Variants in MEF2D observed in about 807,000 individuals in gnomAD.
MEF2D encodes myocyte-specific enhancer factor 2D.
In MEF2D, 10 loss-of-function variants were observed where a neutral mutation model predicts 59.3. The ratio of observed to expected loss-of-function variants is 0.17; its 90% CI spans 0.10 to 0.29. The LOEUF (loss-of-function observed/expected upper bound fraction) is 0.29. MEF2D is among the 10% of genes least tolerant of loss of function. The pLI, the probability that MEF2D is intolerant of heterozygous loss-of-function variation, is 1.00. For synonymous variants in MEF2D, 305 were observed against 295.0 expected (o/e 1.03, Z -0.35); for missense variants, 508 against 699.4 (o/e 0.73, Z 3.09).
At chr1:156,475,300 C>T (rs187673641) in intron 8 of MEF2D, 63 bp from the exon 9 acceptor site, 111 of 1,502,220 alleles carry the variant, frequency 7.4e-5, no homozygotes, top group Middle Eastern at 2.4e-4. Context: ...GTTGGCCCTC[C>T]ATCCCAAGGC....
intron 1 of MEF2D, among the ~76,000 whole-genome samples, chr1:156,492,146 G>T (rs1672841254): frequency 1.3e-5 from 2 of 152,254 alleles, no homozygotes; most frequent in South Asian, 4.1e-4. Context: ...CACAGGAGAA[G>T]AATCCCATTC....
chr1:156,500,213 G>T (rs1429154465), intron 1 of MEF2D, among the ~76,000 whole-genome samples: 2 of 151,712 alleles, frequency 1.3e-5, no homozygotes, highest in African/African-American at 4.8e-5. Context: ...CCCCCAATCC[G>T]CCCGTCCCCA....
In MEF2D at chr1:156,483,403, G is replaced by A. The variant is rs371571064; in HGVS notation, c.-111C>T. Reference sequence around the variant, plus strand: ...GTCTGGGAACAGTGCTCAGTTCATGGTCTGCAGGATACCTTCTGCACAGCC... The same window carrying A: ...GTCTGGGAACAGTGCTCAGTTCATGATCTGCAGGATACCTTCTGCACAGCC... On this transcript the variant is annotated 5_prime_UTR_variant, in exon 2 of 12. Transcript: ENST00000348159. 19 of 1,049,492 alleles carry A rather than the reference G, an allele frequency of 1.8e-5. No individual in the cohort carries two copies. Among genetic ancestry groups the A allele is most frequent in the African/African-American group, 1.4e-4 (9 of 64,032 alleles). The allele number at this position is 1,049,492 out of a possible 1,614,324, so 65.0% of individuals were successfully genotyped here.
intron 9 of MEF2D, among the ~76,000 whole-genome samples, chr1:156,473,651 G>C (rs975088897): frequency 1.3e-5 from 2 of 152,178 alleles, no homozygotes. Flanking sequence ...CTGTTCCTGC[G>C]CAGGTGTGAG....
intron 1 of MEF2D, among the ~76,000 whole-genome samples, chr1:156,497,815 G>C (rs753741585): frequency 6.6e-6 from 1 of 152,074 alleles, no homozygotes; most frequent in Non-Finnish European, 1.5e-5. Context: ...GAGAGCAGGG[G>C]GCCCAGCTGG....
At chr1:156,495,875 G>C (rs1196301851) in intron 1 of MEF2D, among the ~76,000 whole-genome samples, 3 of 151,588 alleles carry the variant, frequency 2.0e-5, no homozygotes, top group Non-Finnish European at 4.4e-5. Flanking sequence ...ACCAGGCCTA[G>C]AGCCCAGAGC....
intron 6 of MEF2D, among the ~76,000 whole-genome samples, chr1:156,478,941 GA>G (rs1477194563): frequency 2.6e-5 from 4 of 152,168 alleles, no homozygotes; most frequent in Non-Finnish European, 5.9e-5. Context: ...GTGTCTATGT[GA>G]GTCTGTCCCT....
At position 156,464,338 on chromosome 1, in the gene MEF2D, T is replaced by C. The variant is rs1670702356; in HGVS notation, c.*3307A>G. 1 of 151,850 alleles carries C rather than the reference T, an allele frequency of 6.6e-6. No homozygotes were observed. The highest frequency in any genetic ancestry group is 2.4e-5 in the African/African-American group (1 of 41,230). The allele number at this position is 151,850 out of a possible 1,614,324, so 9.4% of individuals were successfully genotyped here. ...TAAATAATCAGCAAGAGAAGGTGCATTACTTCCTTCCTGTCCAAGGTAGGG... is the reference window on the plus strand; with the variant it reads ...TAAATAATCAGCAAGAGAAGGTGCACTACTTCCTTCCTGTCCAAGGTAGGG... On this transcript the variant is annotated 3_prime_UTR_variant, in exon 12 of 12. Coordinates refer to ENST00000348159, the MANE Select transcript of MEF2D (RefSeq NM_005920.4).
At chr1:156,478,640 C>T (rs375117886) in intron 6 of MEF2D, among the ~76,000 whole-genome samples, 6 of 152,320 alleles carry the variant, frequency 3.9e-5, no homozygotes, top group African/African-American at 1.4e-4. Flanking sequence ...AAGCGATTCT[C>T]CTGCCTCAGC....
chr1:156,467,807 G>T, intron 11 of MEF2D, 151 bp from the exon 12 acceptor site: 1 of 1,071,520 alleles, frequency 9.3e-7, no homozygotes, highest in Non-Finnish European at 1.3e-6. Context: ...GACTGATGCT[G>T]GAGGGAGGGA....
chr1:156,489,922 A>C (rs1672649424), intron 1 of MEF2D, among the ~76,000 whole-genome samples: 1 of 152,090 alleles, frequency 6.6e-6, no homozygotes, highest in Admixed American at 6.5e-5. Flanking sequence ...CTTCCTAGTC[A>C]TTCTCTCTTC....
chr1:156,482,675 C>G, intron 2 of MEF2D, 35 bp from the exon 3 acceptor site: 1 of 1,606,100 alleles, frequency 6.2e-7, no homozygotes, highest in Middle Eastern at 1.7e-4. Context: ...CCAGATCTGG[C>G]TCAGTTAAGG....
chr1:156,498,231 C>A (rs1489402367), intron 1 of MEF2D, among the ~76,000 whole-genome samples: 1 of 152,040 alleles, frequency 6.6e-6, no homozygotes, highest in African/African-American at 2.4e-5. Flanking sequence ...GATGCCCAGG[C>A]CCTCCAGCCC....
chr1:156,482,120 AAGAC>A (rs1672060413), intron 3 of MEF2D, among the ~76,000 whole-genome samples: 1 of 152,238 alleles, frequency 6.6e-6, no homozygotes, highest in Non-Finnish European at 1.5e-5. Context: ...GACAAAGAGA[AAGAC>A]AGGATGCAAG....
At chr1:156,496,388 C>T (rs1446925687) in intron 1 of MEF2D, among the ~76,000 whole-genome samples, 1 of 152,036 alleles carries the variant, frequency 6.6e-6, no homozygotes, top group Non-Finnish European at 1.5e-5. Flanking sequence ...GACCCGGGGA[C>T]ACACGGTCAG....
At chr1:156,477,223 G>A in intron 6 of MEF2D, 21 bp from the exon 7 acceptor site, 9 of 1,567,776 alleles carry the variant, frequency 5.7e-6, no homozygotes, top group Non-Finnish European at 7.8e-6. Context: ...GACAACAAGA[G>A]GGTAAAAGGA....
At chr1:156,474,595 G>C (rs1177176272) in intron 9 of MEF2D, among the ~76,000 whole-genome samples, 2 of 152,200 alleles carry the variant, frequency 1.3e-5, no homozygotes, top group Non-Finnish European at 2.9e-5. Context: ...AGGACTGCTT[G>C]AGACCAGGAA....
Position 156,479,330 on chromosome 1 carries a change from AC to A in MEF2D, c.623del (p.Gly208ValfsTer3). 1 of 1,611,758 alleles carries A rather than the reference AC, an allele frequency of 6.2e-7. No individual in the cohort carries two copies. The highest frequency in any genetic ancestry group is 8.5e-7 in the Non-Finnish European group (1 of 1,179,242). On this transcript the variant is annotated frameshift_variant, in exon 6 of 12. Transcript: ENST00000348159. LOFTEE classifies it high-confidence loss of function. ...AGGCTCCGTTAGCACTGTTCAGGTC[AC>A]CCCCCAGCATGGCCCCTGGAGGAAA... ...RPASAGAMLG[G>X]DLNSANGACP...
chr1:156,492,132 G>A (rs928210418), intron 1 of MEF2D, among the ~76,000 whole-genome samples: 3 of 152,242 alleles, frequency 2.0e-5, no homozygotes, highest in African/African-American at 7.2e-5. Context: ...CTGCCTTGGG[G>A]CGTCACAGGA....
Sources: gnomAD v4.1 joint callset for allele counts (sites outside exome capture counted in the v4.1 genomes callset) on GRCh38, gnomAD v4.1.1 for gene constraint, MANE v1.5 for transcripts, NCBI Gene and HGNC (gene_info 2026-07-23, HGNC 2026-07-21) for gene names.